MYBPC1: variants seen among roughly 807,000 people sequenced by gnomAD.
The protein encoded by MYBPC1 is myosin-binding protein C, slow-type.
MYBPC1 carries 52 observed loss-of-function variants against 147.1 expected under a neutral mutation model. That is an observed-to-expected ratio of 0.35 (90% confidence interval 0.28 to 0.45). The LOEUF (loss-of-function observed/expected upper bound fraction) is 0.45, where lower values mean the gene tolerates loss of function less well. MYBPC1 is among the 20% of genes least tolerant of loss of function. The pLI, the probability that MYBPC1 is intolerant of heterozygous loss-of-function variation, is 1.00. For synonymous variants in MYBPC1, 477 were observed against 475.9 expected (o/e 1.00, Z -0.03); for missense variants, 1,228 against 1,440.3 (o/e 0.85, Z 2.39).
At position 101,632,062 on chromosome 12, in the gene MYBPC1, C is replaced by T. The variant is rs1203174173; in HGVS notation, c.480C>T (p.Asn160=). The part of the protein sequence containing the change: ...FEMQIIKAKD[N]FAGNYRCEVT... ...TGCAGATCATCAAGGCCAAAGATAA[C>T]TTTGCAGGAAATTACAGATGCGAGG... Residue 160 remains asparagine, a synonymous_variant, in exon 8 of 32, where the codon AAC becomes AAT. Transcript: ENST00000361466. 2 of 1,613,952 alleles carry T rather than the reference C, an allele frequency of 1.2e-6. No individual in the cohort carries two copies. The highest frequency in any genetic ancestry group is 1.7e-5 in the Admixed American group (1 of 60,002).
chr12:101,601,079 G>C (rs1286582525), intron 1 of MYBPC1, among the ~76,000 whole-genome samples: 1 of 152,216 alleles, frequency 6.6e-6, no homozygotes, highest in Non-Finnish European at 1.5e-5. Context: ...GGTTAATCAT[G>C]AAGTAGCTAC....
chr12:101,599,655 G>A (rs1593569556), intron 1 of MYBPC1, among the ~76,000 whole-genome samples: 1 of 152,242 alleles, frequency 6.6e-6, no homozygotes, highest in East Asian at 1.9e-4. Context: ...ATTGGGGAAA[G>A]GTTAATAATT....
At position 101,636,689 on chromosome 12, in the gene MYBPC1, A is replaced by T; in HGVS notation, c.626A>T (p.Asp209Val). ...AFKRSGEGQE[D>V]AGELDFSGLL... ...AACGACAGTGGAGAAGGTCAAGAGGATGCAGGAGAACTTGACTTTAGTGGT... is the reference window on the plus strand; with the variant it reads ...AACGACAGTGGAGAAGGTCAAGAGGTTGCAGGAGAACTTGACTTTAGTGGT... The change falls in exon 10 of 32, where the codon GAT (aspartate) becomes GTT (valine). Residue 209 changes from aspartate (D) to valine (V), a missense_variant. By Grantham distance (152) the Asp-to-Val change is radical (BLOSUM62 -3). Transcript: ENST00000361466. 1 of 1,613,740 alleles carries T rather than the reference A, an allele frequency of 6.2e-7. No individual in the cohort carries two copies. Among genetic ancestry groups the T allele is most frequent in the Non-Finnish European group, 8.5e-7 (1 of 1,179,666 alleles).
intron 4 of MYBPC1, among the ~76,000 whole-genome samples, chr12:101,627,288 G>C (rs1014853084): frequency 6.6e-6 from 1 of 152,006 alleles, no homozygotes; most frequent in Non-Finnish European, 1.5e-5. Context: ...TATTGCCCAG[G>C]CTGGAGTGCA....
At chr12:101,666,822 A>G (rs1329718534) in intron 22 of MYBPC1, 1 of 1,601,236 alleles carries the variant, frequency 6.2e-7, no homozygotes, top group Admixed American at 1.7e-5. Flanking sequence ...GAAGCTCTCA[A>G]ATTTTCTTAC....
intron 28 of MYBPC1, among the ~76,000 whole-genome samples, chr12:101,680,109 C>T (rs556552213): frequency 6.6e-6 from 1 of 152,204 alleles, no homozygotes; most frequent in South Asian, 2.1e-4. Flanking sequence ...AGAAGATTGC[C>T]CTAGAGTTAC....
intron 30 of MYBPC1, among the ~76,000 whole-genome samples, chr12:101,683,873 G>C (rs1045531896): frequency 6.6e-6 from 1 of 152,210 alleles, no homozygotes; most frequent in Admixed American, 6.5e-5. Flanking sequence ...TGTCTATTTA[G>C]ATCAGTCATA....
At chr12:101,673,792 C>T (rs1899239787) in intron 25 of MYBPC1, among the ~76,000 whole-genome samples, 170 bp downstream of exon 25, 1 of 152,184 alleles carries the variant, frequency 6.6e-6, no homozygotes, top group South Asian at 2.1e-4. Flanking sequence ...GTAGCTTACA[C>T]CTGTAATCCC....
At chr12:101,693,244 CCTA>C in the MYBPC1 span, among the ~76,000 whole-genome samples, 2 of 152,214 alleles carry the variant, frequency 1.3e-5, no homozygotes, top group East Asian at 1.9e-4. Context: ...CCGCGCCCAG[CCTA>C]CTTTCACTAT....
chr12:101,656,933 T>C (rs1379471507), intron 18 of MYBPC1, among the ~76,000 whole-genome samples: 3 of 152,050 alleles, frequency 2.0e-5, no homozygotes, highest in Non-Finnish European at 4.4e-5. Context: ...TTCACCAAAA[T>C]AGAACACATT....
At chr12:101,679,580 A>C (rs939270850) in intron 28 of MYBPC1, among the ~76,000 whole-genome samples, 2 of 152,224 alleles carry the variant, frequency 1.3e-5, no homozygotes, top group African/African-American at 4.8e-5. Flanking sequence ...TATCAAATGC[A>C]GTTCAGAAGT....
At chr12:101,615,662 G>GCCCC (rs200320748) in intron 2 of MYBPC1, among the ~76,000 whole-genome samples, 24 of 43,462 alleles carry the variant, frequency 5.5e-4, no homozygotes, top group African/African-American at 1.7e-3. Flanking sequence ...AGAACCCCCC[G>GCCCC]CCCCCCCCCC....
chr12:101,633,511 AC>A (rs1274120845), intron 8 of MYBPC1, among the ~76,000 whole-genome samples: 1 of 151,664 alleles, frequency 6.6e-6, no homozygotes, highest in Non-Finnish European at 1.5e-5. Context: ...ACATGGTGAA[AC>A]CCCGTCTCTA....
intron 8 of MYBPC1, among the ~76,000 whole-genome samples, chr12:101,632,639 G>C (rs950323710): frequency 2.0e-5 from 3 of 152,340 alleles, no homozygotes; most frequent in Non-Finnish European, 4.4e-5. Context: ...GCTTTTACAA[G>C]TATACAAAGG....
chr12:101,656,346 C>G (rs1895537703), intron 18 of MYBPC1, among the ~76,000 whole-genome samples: 1 of 152,074 alleles, frequency 6.6e-6, no homozygotes, highest in African/African-American at 2.4e-5. Flanking sequence ...ATTGATCGAG[C>G]TATACCAATA....
intron 29 of MYBPC1, among the ~76,000 whole-genome samples, 156 bp downstream of exon 29, chr12:101,680,685 A>G (rs1471714688): frequency 6.6e-6 from 1 of 152,198 alleles, no homozygotes; most frequent in Non-Finnish European, 1.5e-5. Context: ...GGAGGGAATT[A>G]AGGGAGAGAA....
chr12:101,661,162 C>T lies in MYBPC1; in HGVS notation c.1932C>T (p.Phe644=), dbSNP rs754810728. 1 of 1,612,494 alleles carries T rather than the reference C, an allele frequency of 6.2e-7. No homozygotes were observed. Among genetic ancestry groups the T allele is most frequent in the East Asian group, 2.2e-5 (1 of 44,884 alleles). The change falls in exon 20 of 32, where the codon TTC becomes TTT. Residue 644 remains phenylalanine, a synonymous_variant. Coordinates refer to ENST00000361466, the MANE Select transcript of MYBPC1 (RefSeq NM_002465.4). ...CCTATTTTTTGTCTGCCACAGACTT[C>T]CCTGATCCTCCAGTGGCACCGACTG... ...HASIKVKVVD[F]PDPPVAPTVT...
At chr12:101,637,475 T>G (rs979224598) in intron 10 of MYBPC1, among the ~76,000 whole-genome samples, 1 of 152,156 alleles carries the variant, frequency 6.6e-6, no homozygotes, top group Admixed American at 6.5e-5. Context: ...CTATATTATA[T>G]GCCTGTTATA....
At chr12:101,657,388 G>A (rs763050322) in intron 18 of MYBPC1, among the ~76,000 whole-genome samples, 1 of 152,126 alleles carries the variant, frequency 6.6e-6, no homozygotes, top group African/African-American at 2.4e-5. Context: ...TTGAAAACTG[G>A]AAATTAATAG....
Sources: gnomAD v4.1 joint callset for allele counts (sites outside exome capture counted in the v4.1 genomes callset) on GRCh38, gnomAD v4.1.1 for gene constraint, MANE v1.5 for transcripts, NCBI Gene and HGNC (gene_info 2026-07-23, HGNC 2026-07-21) for gene names.